The following PPARGC1A variants were observed in gnomAD, a reference collection of about 807,000 sequenced individuals.
The protein encoded by PPARGC1A is peroxisome proliferator-activated receptor gamma coactivator 1-alpha.
Under a neutral mutation model 88.7 loss-of-function variants are expected in PPARGC1A, and 25 were observed. That is an observed-to-expected ratio of 0.28 (90% CI 0.21 to 0.39). The LOEUF is 0.39. PPARGC1A is among the 10% of genes least tolerant of loss of function. PPARGC1A has a pLI of 1.00. For missense variants in PPARGC1A, 880 were observed against 968.7 expected (o/e 0.91, Z 1.22); for synonymous variants, 363 against 355.6 (o/e 1.02, Z -0.24).
At chr4:24,353,690 G>T in the PPARGC1A span, among the ~76,000 whole-genome samples, 1 of 152,114 alleles carries the variant, frequency 6.6e-6, no homozygotes, top group African/African-American at 2.4e-5. Flanking sequence ...AGGAACACAA[G>T]GAAGCACCAT....
chr4:24,060,541 A>C, the PPARGC1A span, among the ~76,000 whole-genome samples: 1 of 152,244 alleles, frequency 6.6e-6, no homozygotes, highest in Non-Finnish European at 1.5e-5. Context: ...ACAACAAAAA[A>C]AAAATCGCTA....
chr4:24,416,771 C>G, the PPARGC1A span, among the ~76,000 whole-genome samples: 2,057 of 152,294 alleles, frequency 0.014, 58 homozygotes, highest in East Asian at 0.11. Context: ...TGGCTCACGC[C>G]TGTAATCCCG....
the PPARGC1A span, among the ~76,000 whole-genome samples, chr4:24,387,766 G>GAGAGAA: frequency 1.2e-3 from 62 of 52,058 alleles, no homozygotes; most frequent in African/African-American, 2.9e-3. Flanking sequence ...GAGAGAGAGA[G>GAGAGAA]AGAAAGAAAG....
At chr4:24,406,334 C>A in the PPARGC1A span, among the ~76,000 whole-genome samples, 1 of 152,206 alleles carries the variant, frequency 6.6e-6, no homozygotes, top group Non-Finnish European at 1.5e-5. Context: ...CTTCATTGGA[C>A]ATGGAATTTT....
At chr4:24,120,198 C>G in the PPARGC1A span, among the ~76,000 whole-genome samples, 1 of 152,170 alleles carries the variant, frequency 6.6e-6, no homozygotes, top group Non-Finnish European at 1.5e-5. Context: ...TAAGTGGGAT[C>G]TGAACCTGGG....
chr4:24,123,204 C>T, the PPARGC1A span, among the ~76,000 whole-genome samples: 6 of 152,160 alleles, frequency 3.9e-5, no homozygotes, highest in Non-Finnish European at 5.9e-5. Flanking sequence ...CCTGGCCAAC[C>T]AAAATTGTTC....
chr4:23,953,441 C>T, the PPARGC1A span, among the ~76,000 whole-genome samples: 1 of 152,004 alleles, frequency 6.6e-6, no homozygotes, highest in Non-Finnish European at 1.5e-5. Context: ...TATTATGGAA[C>T]AATGTTGGAT....
chr4:24,444,772 G>A, the PPARGC1A span, among the ~76,000 whole-genome samples: 59 of 152,142 alleles, frequency 3.9e-4, no homozygotes, highest in Admixed American at 3.8e-3. Context: ...AGAACAAAGA[G>A]ACAAAAGCCA....
chr4:24,251,361 A>T, the PPARGC1A span, among the ~76,000 whole-genome samples: 1 of 152,308 alleles, frequency 6.6e-6, no homozygotes, highest in South Asian at 2.1e-4. Context: ...TACTTGTATG[A>T]TCTAGAATCT....
chr4:24,251,369 T>A, the PPARGC1A span, among the ~76,000 whole-genome samples: 1 of 152,280 alleles, frequency 6.6e-6, no homozygotes, highest in East Asian at 1.9e-4. Flanking sequence ...TGATCTAGAA[T>A]CTTCTACACG....
the PPARGC1A span, among the ~76,000 whole-genome samples, chr4:23,999,729 A>C: frequency 6.6e-6 from 1 of 152,206 alleles, no homozygotes; most frequent in African/African-American, 2.4e-5. Context: ...ACGGTCGGCT[A>C]TCTGACGATC....
At chr4:23,975,144 GTTTC>G in the PPARGC1A span, among the ~76,000 whole-genome samples, 2 of 151,990 alleles carry the variant, frequency 1.3e-5, no homozygotes, top group Non-Finnish European at 2.9e-5. Flanking sequence ...TCTGCCCTTG[GTTTC>G]TTTATCTGTA....
At chr4:24,131,993 T>C in the PPARGC1A span, among the ~76,000 whole-genome samples, 43 of 152,366 alleles carry the variant, frequency 2.8e-4, no homozygotes, top group Non-Finnish European at 5.1e-4. Context: ...TGTTAAAACA[T>C]GGCCTAGTGC....
the PPARGC1A span, among the ~76,000 whole-genome samples, chr4:24,156,510 C>T: frequency 1.2e-4 from 19 of 152,020 alleles, no homozygotes; most frequent in East Asian, 5.8e-4. Context: ...ATCAATCACT[C>T]GTGGAAAATG....
chr4:24,008,325 A>G, the PPARGC1A span, among the ~76,000 whole-genome samples: 3 of 152,294 alleles, frequency 2.0e-5, no homozygotes, highest in African/African-American at 7.2e-5. Flanking sequence ...ATTTAAAGGA[A>G]ACAGAAAAGA....
At chr4:23,980,994 C>A in the PPARGC1A span, among the ~76,000 whole-genome samples, 18 of 152,074 alleles carry the variant, frequency 1.2e-4, 1 homozygote, top group Admixed American at 9.8e-4. Flanking sequence ...CTCCATAAGA[C>A]CTTCTTCAAG....
chr4:23,889,948 C>T lies in PPARGC1A; in HGVS notation c.10G>A (p.Asp4Asn), dbSNP rs761253295. Reference protein sequence around the residue: MAWDMCNQDSESVW... With the variant: MAWNMCNQDSESVW... ...GACTCAGAGTCCTGGTTGCACATGT[C>T]CCACGCCATCCAGCTCCTGAATGAC... Residue 4 changes from aspartate to asparagine, a missense_variant, in exon 1 of 13, where the codon GAC becomes AAC. By Grantham distance (23) the Asp-to-Asn change is conservative. Coordinates refer to ENST00000264867, the MANE Select transcript of PPARGC1A (RefSeq NM_013261.5). The T allele has an allele frequency of 3.7e-6, 6 of 1,613,770 alleles. No homozygotes were observed. Among genetic ancestry groups the T allele is most frequent in the African/African-American group, 2.7e-5 (2 of 74,916 alleles).
At chr4:23,833,345 G>A (rs1577439072) in intron 2 of PPARGC1A, among the ~76,000 whole-genome samples, 1 of 152,124 alleles carries the variant, frequency 6.6e-6, no homozygotes, top group African/African-American at 2.4e-5. Flanking sequence ...ATATCTTCTG[G>A]ACCATTTTCT....
chr4:24,043,419 C>T, the PPARGC1A span, among the ~76,000 whole-genome samples: 6 of 152,152 alleles, frequency 3.9e-5, no homozygotes, highest in South Asian at 2.1e-4. Context: ...AGTCTGGCAC[C>T]GGCTTTACTG....
Sources: allele counts gnomAD v4.1 joint callset (sites outside exome capture counted in the v4.1 genomes callset), GRCh38; gene constraint gnomAD v4.1.1; transcripts MANE v1.5; gene names NCBI Gene and HGNC (gene_info 2026-07-23, HGNC 2026-07-21).